TRIM2: variants seen among roughly 807,000 people sequenced by gnomAD.
The protein encoded by TRIM2 is tripartite motif-containing protein 2.
In TRIM2, 20 loss-of-function variants were observed where a neutral mutation model predicts 75.2. The observed-to-expected ratio is 0.27, with a 90% CI of 0.19 to 0.39. TRIM2 has a LOEUF of 0.39. TRIM2 is among the 10% of genes least tolerant of loss of function. The probability of loss-of-function intolerance (pLI) is 1.00; values close to 1 mark genes in which losing one functional copy is unlikely to be tolerated. For synonymous variants in TRIM2, 373 were observed against 388.3 expected (o/e 0.96, Z 0.46); for missense variants, 660 against 990.8 (o/e 0.67, Z 4.48).
intron 1 of TRIM2, among the ~76,000 whole-genome samples, chr4:153,260,058 C>T (rs758461725): frequency 3.3e-5 from 5 of 152,130 alleles, no homozygotes; most frequent in African/African-American, 7.2e-5. Context: ...TAATGTGCTT[C>T]GTATATACCA....
chr4:153,184,423 T>C (rs182507354), intron 1 of TRIM2, among the ~76,000 whole-genome samples: 1 of 152,322 alleles, frequency 6.6e-6, no homozygotes, highest in African/African-American at 2.4e-5. Flanking sequence ...TCCAGCCTTA[T>C]GACCTCGTTT....
chr4:153,228,891 C>A (rs763404813), intron 1 of TRIM2, among the ~76,000 whole-genome samples: 1 of 152,286 alleles, frequency 6.6e-6, no homozygotes, highest in East Asian at 1.9e-4. Context: ...TTTCCCCCCA[C>A]AAATGGTGTC....
intron 6 of TRIM2, among the ~76,000 whole-genome samples, chr4:153,313,934 G>T (rs938847041): frequency 2.0e-5 from 3 of 152,030 alleles, no homozygotes; most frequent in South Asian, 2.1e-4. Context: ...ACTGTTCCCG[G>T]CCCAAATTGC....
chr4:153,178,538 T>TA (rs1211453486), intron 1 of TRIM2, among the ~76,000 whole-genome samples: 1 of 152,190 alleles, frequency 6.6e-6, no homozygotes, highest in Non-Finnish European at 1.5e-5. Context: ...TGAGAGAGGG[T>TA]AAAAATGCCT....
chr4:153,194,244 G>C (rs888086991), intron 1 of TRIM2, among the ~76,000 whole-genome samples: 1 of 152,174 alleles, frequency 6.6e-6, no homozygotes, highest in African/African-American at 2.4e-5. Flanking sequence ...CCTAATCTTA[G>C]ATTATCAAAT....
chr4:153,298,879 G>C (rs1202532396), intron 6 of TRIM2, among the ~76,000 whole-genome samples: 2 of 151,996 alleles, frequency 1.3e-5, no homozygotes, highest in African/African-American at 4.8e-5. Flanking sequence ...GACCACAGCT[G>C]CATGTCACCA....
chr4:153,296,460 CT>C, intron 6 of TRIM2, among the ~76,000 whole-genome samples: 1 of 152,356 alleles, frequency 6.6e-6, no homozygotes, highest in African/African-American at 2.4e-5. Flanking sequence ...TGTGCCAGAG[CT>C]GAGGCTGTAC....
Position 153,328,513 on chromosome 4 carries a change from A to G in TRIM2, c.2023-17A>G, listed in dbSNP as rs753149085. On this transcript the variant is annotated splice_polypyrimidine_tract_variant and intron_variant, in intron 10 of 11. Coordinates refer to ENST00000338700, the MANE Select transcript of TRIM2 (RefSeq NM_015271.5). ...ATTTTGATGTAAAACAAAATAATTT[A>G]AAAATATTTCATACAGGTGTTTAAT... 1.3e-6 allele frequency: 2 copies of G among 1,584,134 alleles called. No homozygotes were observed. Among genetic ancestry groups the G allele is most frequent in the South Asian group, 1.2e-5 (1 of 85,348 alleles).
At position 153,338,181 on chromosome 4, in the gene TRIM2, A is replaced by G; in HGVS notation, c.*3215A>G. The G allele has an allele frequency of 3.0e-6, 3 of 985,914 alleles. No homozygotes were observed. The highest frequency in any genetic ancestry group is 9.4e-5 in the South Asian group (2 of 21,288). The allele number at this position is 985,914 out of a possible 1,614,324, so 61.1% of individuals were successfully genotyped here. On this transcript the variant is annotated 3_prime_UTR_variant, in exon 12 of 12. Transcript: ENST00000338700. ...ATGTCCTAACATGGAGTTAACTGGA[A>G]TAGCAGTACACTAGCAAGTATCTGT...
At chr4:153,273,619 T>C (rs1474889096) in intron 2 of TRIM2, among the ~76,000 whole-genome samples, 1 of 151,808 alleles carries the variant, frequency 6.6e-6, no homozygotes, top group Non-Finnish European at 1.5e-5. Flanking sequence ...TCCCACATCT[T>C]CCAAAACAGC....
chr4:153,239,816 C>A (rs1387686813), intron 1 of TRIM2, among the ~76,000 whole-genome samples: 1 of 150,314 alleles, frequency 6.7e-6, no homozygotes, highest in Non-Finnish European at 1.5e-5. Context: ...TGCATGACAG[C>A]ATCCTAACTT....
intron 1 of TRIM2, 49 bp downstream of exon 1, chr4:153,204,609 T>TTTATTTCC (rs1734880810): frequency 6.4e-7 from 1 of 1,550,710 alleles, no homozygotes; most frequent in East Asian, 2.4e-5. Context: ...GGCCAGCTGG[T>TTTATTTCC]TAATCCGGGG....
intron 1 of TRIM2, among the ~76,000 whole-genome samples, chr4:153,243,376 G>A (rs1443574009): frequency 6.6e-6 from 1 of 152,234 alleles, no homozygotes; most frequent in Non-Finnish European, 1.5e-5. Flanking sequence ...GTGCCATGTG[G>A]CAGGGCAAAG....
Position 153,338,988 on chromosome 4 carries a change from T to G in TRIM2, c.*4022T>G. ...TTTGCTTTGTTTTCTTTTTAGATTT[T>G]GTACATTCCATCTTTATAGGTCTGT... On this transcript the variant is annotated 3_prime_UTR_variant, in exon 12 of 12. Transcript: ENST00000338700. 1 of 985,678 alleles carries G rather than the reference T, an allele frequency of 1.0e-6. No homozygotes were observed. The highest frequency in any genetic ancestry group is 1.2e-6 in the Non-Finnish European group (1 of 829,792). 61.1% of individuals were successfully genotyped at this position (985,678 alleles called of 1,614,324 possible).
chr4:153,304,241 G>A (rs1424687132), intron 6 of TRIM2, among the ~76,000 whole-genome samples: 3 of 152,008 alleles, frequency 2.0e-5, no homozygotes, highest in Admixed American at 2.0e-4. Context: ...AGCCTCCCAA[G>A]TAGCTGGGGC....
At chr4:153,219,148 T>G (rs1739290899) in intron 1 of TRIM2, among the ~76,000 whole-genome samples, 1 of 152,218 alleles carries the variant, frequency 6.6e-6, no homozygotes, top group Admixed American at 6.5e-5. Flanking sequence ...TAAACATTGG[T>G]TGATCTTATG....
chr4:153,249,660 C>T (rs1308157758), intron 1 of TRIM2, among the ~76,000 whole-genome samples: 1 of 151,812 alleles, frequency 6.6e-6, no homozygotes, highest in Non-Finnish European at 1.5e-5. Flanking sequence ...TCAGCCTCCA[C>T]CAGCTCAGTC....
At chr4:153,244,102 G>A (rs1429687653) in intron 1 of TRIM2, among the ~76,000 whole-genome samples, 1 of 151,308 alleles carries the variant, frequency 6.6e-6, no homozygotes, top group Non-Finnish European at 1.5e-5. Flanking sequence ...TTACACACAT[G>A]AGCTACTGTG....
intron 3 of TRIM2, among the ~76,000 whole-genome samples, chr4:153,289,824 T>G (rs1489794754): frequency 2.0e-5 from 3 of 152,020 alleles, no homozygotes; most frequent in Non-Finnish European, 4.4e-5. Flanking sequence ...TTGGGAAGAG[T>G]GCCATTGGAT....
Sources: gnomAD v4.1 joint callset for allele counts (sites outside exome capture counted in the v4.1 genomes callset) on GRCh38, gnomAD v4.1.1 for gene constraint, MANE v1.5 for transcripts, NCBI Gene and HGNC (gene_info 2026-07-23, HGNC 2026-07-21) for gene names.